SLC30A6: variants seen among roughly 807,000 people sequenced by gnomAD.
SLC30A6 encodes solute carrier family 30 member 6.
A neutral mutation model predicts 63.0 loss-of-function variants in SLC30A6; 55 were observed. The observed-to-expected ratio is 0.87, with a 90% CI of 0.70 to 1.09. The LOEUF (loss-of-function observed/expected upper bound fraction) is 1.09. Ranked by LOEUF, SLC30A6 falls within the 50% of genes least tolerant of loss-of-function variation. The probability of loss-of-function intolerance (pLI) is 0.00; values close to 1 mark genes in which losing one functional copy is unlikely to be tolerated. For synonymous variants in SLC30A6, 224 were observed against 186.1 expected, an observed-to-expected ratio of 1.20 and a Z score of -1.66; for missense variants, 587 against 549.2, an observed-to-expected ratio of 1.07 and a Z score of -0.69.
Position 32,206,873 on chromosome 2 carries a change from T to C in SLC30A6, c.769-13T>C, listed in dbSNP as rs1247345635. On this transcript the variant is annotated splice_polypyrimidine_tract_variant and intron_variant, in intron 11 of 13. Coordinates refer to ENST00000282587, the MANE Select transcript of SLC30A6 (RefSeq NM_017964.5). The stretch of plus-strand genomic sequence containing the variant: ...TTCCCCCATTATTCATATTTTATTG[T>C]ATTTTTCCCCAGACAACACCACCCC... 1 of 1,608,672 alleles carries C rather than the reference T, an allele frequency of 6.2e-7. No individual in the cohort carries two copies.
chr2:32,203,065 T>C (rs1684435513), intron 10 of SLC30A6: 19 of 1,295,778 alleles, frequency 1.5e-5, no homozygotes, highest in Non-Finnish European at 2.1e-5. Flanking sequence ...CATGGGGACA[T>C]TGCACAGTCA....
intron 1 of SLC30A6, among the ~76,000 whole-genome samples, chr2:32,166,812 T>G (rs148811397): frequency 1.3e-5 from 2 of 152,340 alleles, no homozygotes; most frequent in Non-Finnish European, 2.9e-5. Flanking sequence ...TTTTGTAAAT[T>G]TTCTGTAATC....
At chr2:32,217,098 A>G (rs951655330) in intron 13 of SLC30A6, among the ~76,000 whole-genome samples, 3 of 150,744 alleles carry the variant, frequency 2.0e-5, no homozygotes, top group African/African-American at 4.9e-5. Flanking sequence ...GGGTTTCACC[A>G]TGTTGGTCAG....
intron 12 of SLC30A6, among the ~76,000 whole-genome samples, chr2:32,208,106 A>G (rs1329347236): frequency 6.6e-6 from 1 of 151,566 alleles, no homozygotes. Flanking sequence ...TGCTGGGATT[A>G]TAGGTGTGAG....
At chr2:32,177,044 A>T (rs996144112) in intron 4 of SLC30A6, among the ~76,000 whole-genome samples, 1 of 151,998 alleles carries the variant, frequency 6.6e-6, no homozygotes, top group African/African-American at 2.4e-5. Context: ...AAGTGTTGGG[A>T]TTACAGGTGT....
In SLC30A6 at chr2:32,202,297, G is replaced by T. The variant is rs760118108; in HGVS notation, c.666-2293G>T. 452 of 475,174 alleles carry T rather than the reference G, an allele frequency of 9.5e-4. 4 individuals are homozygous for T. Among genetic ancestry groups the T allele is most frequent in the Non-Finnish European group, 1.4e-3 (376 of 261,198 alleles). The allele number at this position is 475,174 out of a possible 1,614,324, so 29.4% of individuals were successfully genotyped here. A position where few individuals can be genotyped will look rare whatever the true frequency, so the allele number is the denominator to read the frequency against. On this transcript the variant is annotated intron_variant, in intron 10 of 13. Coordinates refer to ENST00000282587, the MANE Select transcript of SLC30A6 (RefSeq NM_017964.5). ...AGACATTCTATTTTGCGATCCCTTT[G>T]ATTGAAAGACTCCAAAGAGATCAAG...
At chr2:32,169,366 A>G (rs894433266) in intron 1 of SLC30A6, among the ~76,000 whole-genome samples, 2 of 152,088 alleles carry the variant, frequency 1.3e-5, no homozygotes, top group East Asian at 1.9e-4. Flanking sequence ...TTGTAGAGAC[A>G]GGGTCTCAGT....
chr2:32,212,562 C>T (rs212690), intron 13 of SLC30A6, among the ~76,000 whole-genome samples: 1 of 142,796 alleles, frequency 7.0e-6, no homozygotes, highest in African/African-American at 2.6e-5. Flanking sequence ...TTCTGGCTTT[C>T]TTCCTCTCTG....
Position 32,165,891 on chromosome 2 carries a change from G to C in SLC30A6, c.-10G>C, listed in dbSNP as rs1466968933. On this transcript the variant is annotated 5_prime_UTR_variant, in exon 1 of 14. Coordinates refer to ENST00000282587, the MANE Select transcript of SLC30A6 (RefSeq NM_017964.5). ...AACGGCTTCCGGCGGGAGCTGTGCA[G>C]CTCCTTATCATGGTGAGTTGGCTGT... The C allele has an allele frequency of 2.5e-6, 4 of 1,614,044 alleles. No homozygotes were observed. Among genetic ancestry groups the C allele is most frequent in the African/African-American group, 1.3e-5 (1 of 74,946 alleles).
At chr2:32,206,262 C>T (rs986440269) in intron 11 of SLC30A6, among the ~76,000 whole-genome samples, 1 of 151,732 alleles carries the variant, frequency 6.6e-6, no homozygotes, top group African/African-American at 2.4e-5. Context: ...CTGGCTAACA[C>T]GGTGAAACCC....
intron 1 of SLC30A6, among the ~76,000 whole-genome samples, chr2:32,170,127 C>T (rs1372317216): frequency 6.6e-6 from 1 of 151,936 alleles, no homozygotes; most frequent in Non-Finnish European, 1.5e-5. Context: ...TCCTTTAGAG[C>T]TTCTTGGGTT....
At chr2:32,178,530 G>A (rs931048372) in intron 4 of SLC30A6, among the ~76,000 whole-genome samples, 7 of 152,054 alleles carry the variant, frequency 4.6e-5, no homozygotes, top group Admixed American at 2.0e-4. Flanking sequence ...AAAATGAGCC[G>A]GGCATGGTGC....
chr2:32,202,582 C>T (rs1474909500), intron 10 of SLC30A6: 13 of 400,514 alleles, frequency 3.2e-5, no homozygotes, highest in African/African-American at 1.3e-4. Flanking sequence ...CTGCCCATCT[C>T]GGCCTCCCAA....
intron 2 of SLC30A6, among the ~76,000 whole-genome samples, chr2:32,173,734 A>G (rs1009431330): frequency 6.6e-5 from 10 of 152,196 alleles, no homozygotes; most frequent in African/African-American, 1.2e-4. Flanking sequence ...ATTTGGCCCC[A>G]TTTGCTTCAT....
intron 10 of SLC30A6, chr2:32,201,633 G>C: frequency 6.6e-7 from 1 of 1,516,012 alleles, no homozygotes; most frequent in Non-Finnish European, 8.9e-7. Flanking sequence ...GTACATTATG[G>C]AACTGGAAGC....
chr2:32,211,254 A>G (rs1050248816), intron 13 of SLC30A6, among the ~76,000 whole-genome samples: 1 of 152,202 alleles, frequency 6.6e-6, no homozygotes, highest in African/African-American at 2.4e-5. Context: ...GACCCACCAC[A>G]CTACACTTCT....
chr2:32,199,036 C>G lies in SLC30A6; in HGVS notation c.665+1210C>G, dbSNP rs1684040776. On this transcript the variant is annotated intron_variant, in intron 10 of 13. Transcript: ENST00000282587. ...GAAACCACCATTCTAGTTTCTGTCT[C>G]TAGGAATTTGACTTCTCTAAGTACT... Among the ~76,000 whole-genome samples the G allele has an allele frequency of 3.3e-5, 5 of 152,290 alleles. No individual in the cohort carries two copies. In the South Asian group the frequency reaches 8.3e-4, roughly 25 times the overall value.
chr2:32,175,032 G>C lies in SLC30A6; in HGVS notation c.176-287G>C, dbSNP rs547790553. On this transcript the variant is annotated intron_variant, in intron 3 of 13. Transcript: ENST00000282587. ...ATTCAAACAATACATTTGAAATAGC[G>C]CTGAGATTACAGAAGCAGGCAGAAA... Among the ~76,000 whole-genome samples, 6 of 151,904 alleles carry C rather than the reference G, an allele frequency of 3.9e-5. No individual in the cohort carries two copies. In the South Asian group the frequency reaches 1.2e-3, roughly 32 times the overall value.
intron 13 of SLC30A6, among the ~76,000 whole-genome samples, chr2:32,215,089 C>G (rs1250629533): frequency 2.0e-5 from 3 of 152,132 alleles, no homozygotes; most frequent in East Asian, 1.9e-4. Context: ...AACAATTTGG[C>G]TAATTTATGT....
Sources: allele counts gnomAD v4.1 joint callset (sites outside exome capture counted in the v4.1 genomes callset), GRCh38; gene constraint gnomAD v4.1.1; transcripts MANE v1.5; gene names NCBI Gene and HGNC (gene_info 2026-07-23, HGNC 2026-07-21).